THSD7B: variants seen among roughly 807,000 people sequenced by gnomAD.
THSD7B encodes thrombospondin type 1 domain containing 7B.
Under a neutral mutation model 213.6 loss-of-function variants are expected in THSD7B, and 138 were observed. The ratio of observed to expected loss-of-function variants is 0.65; its 90% CI spans 0.56 to 0.74. The LOEUF is 0.74. Ranked by LOEUF, THSD7B falls within the 30% of genes least tolerant of loss-of-function variation. The pLI is 0.00. For synonymous variants in THSD7B, 742 were observed against 687.0 expected (o/e 1.08, Z -1.25); for missense variants, 1,931 against 1,991.5 (o/e 0.97, Z 0.58).
intron 15 of THSD7B, among the ~76,000 whole-genome samples, chr2:137,539,463 T>C (rs193267933): frequency 1.4e-4 from 22 of 151,858 alleles, no homozygotes; most frequent in Admixed American, 9.9e-4. Context: ...TCATACCTTC[T>C]GTTATGTCTA....
intron 12 of THSD7B, among the ~76,000 whole-genome samples, chr2:137,283,487 G>A (rs1211745640): frequency 6.6e-6 from 1 of 152,136 alleles, no homozygotes; most frequent in Non-Finnish European, 1.5e-5. Context: ...AGTTTTCAAA[G>A]GGAATGCTTC....
intron 2 of THSD7B, among the ~76,000 whole-genome samples, chr2:136,883,452 C>CT (rs1683661456): frequency 1.3e-5 from 2 of 151,788 alleles, no homozygotes; most frequent in East Asian, 1.9e-4. Context: ...TACTGATTTG[C>CT]ATTTTTTTTT....
intron 27 of THSD7B, among the ~76,000 whole-genome samples, chr2:137,671,221 A>G (rs72844593): frequency 0.16 from 22,706 of 138,546 alleles, 2,308 homozygotes; most frequent in Middle Eastern, 0.26. Context: ...TGTTGTGTGT[A>G]TATTTATGAT....
intron 2 of THSD7B, among the ~76,000 whole-genome samples, chr2:136,945,812 C>T (rs1190626702): frequency 2.0e-5 from 3 of 152,220 alleles, no homozygotes; most frequent in Non-Finnish European, 4.4e-5. Context: ...CCATGGTTTT[C>T]AGCTCCATCA....
intron 2 of THSD7B, among the ~76,000 whole-genome samples, chr2:136,973,932 C>A (rs909858366): frequency 6.6e-6 from 1 of 152,150 alleles, no homozygotes; most frequent in Non-Finnish European, 1.5e-5. Flanking sequence ...TGTGTAACCT[C>A]CTATCTTGAA....
At chr2:137,141,250 C>T (rs1183060552) in intron 5 of THSD7B, among the ~76,000 whole-genome samples, 1 of 152,092 alleles carries the variant, frequency 6.6e-6, no homozygotes, top group Non-Finnish European at 1.5e-5. Flanking sequence ...TACCACAGCT[C>T]TGTGGTAAAC....
chr2:137,213,194 T>C (rs1363368883), intron 7 of THSD7B, among the ~76,000 whole-genome samples: 1 of 151,582 alleles, frequency 6.6e-6, no homozygotes, highest in Non-Finnish European at 1.5e-5. Context: ...TTTCTGTGGC[T>C]TTTAAAATTT....
At chr2:137,436,941 C>T (rs1345548846) in intron 14 of THSD7B, among the ~76,000 whole-genome samples, 1 of 152,044 alleles carries the variant, frequency 6.6e-6, no homozygotes, top group Non-Finnish European at 1.5e-5. Flanking sequence ...ACCTGTGTGG[C>T]TTGTGTATTG....
At chr2:137,012,288 AG>A (rs1317683623) in intron 2 of THSD7B, among the ~76,000 whole-genome samples, 1 of 152,188 alleles carries the variant, frequency 6.6e-6, no homozygotes, top group African/African-American at 2.4e-5. Context: ...GAGTTTGGGG[AG>A]TCTGACCACT....
At chr2:137,063,571 T>C (rs1687319429) in intron 3 of THSD7B, among the ~76,000 whole-genome samples, 1 of 152,010 alleles carries the variant, frequency 6.6e-6, no homozygotes, top group African/African-American at 2.4e-5. Context: ...CACAATTAAA[T>C]TATTTTTTAC....
At chr2:136,967,970 T>C (rs1446638231) in intron 2 of THSD7B, among the ~76,000 whole-genome samples, 1 of 152,208 alleles carries the variant, frequency 6.6e-6, no homozygotes, top group Non-Finnish European at 1.5e-5. Flanking sequence ...TATTGCTGTA[T>C]AGCCCTCTAT....
intron 2 of THSD7B, among the ~76,000 whole-genome samples, chr2:136,893,994 T>C (rs145345831): frequency 1.0e-3 from 159 of 152,312 alleles, no homozygotes; most frequent in African/African-American, 3.2e-3. Flanking sequence ...CTATTACAGA[T>C]CATGTAGAGA....
intron 7 of THSD7B, among the ~76,000 whole-genome samples, chr2:137,202,908 CAG>C (rs1374591076): frequency 6.6e-6 from 1 of 151,940 alleles, no homozygotes; most frequent in African/African-American, 2.4e-5. Flanking sequence ...GGATAGATAA[CAG>C]ATGTGTAGAG....
At chr2:137,345,314 T>C (rs1218409102) in intron 12 of THSD7B, among the ~76,000 whole-genome samples, 1 of 151,722 alleles carries the variant, frequency 6.6e-6, no homozygotes, top group Non-Finnish European at 1.5e-5. Flanking sequence ...TTAACTTTCT[T>C]ATTAAGCACT....
chr2:137,247,276 A>T (rs1682061055), intron 10 of THSD7B, among the ~76,000 whole-genome samples: 1 of 152,218 alleles, frequency 6.6e-6, no homozygotes, highest in South Asian at 2.1e-4. Flanking sequence ...ACATATGCAT[A>T]AATGAATGCA....
At chr2:137,586,591 C>A (rs141403719) in intron 17 of THSD7B, among the ~76,000 whole-genome samples, 2,308 of 152,182 alleles carry the variant, frequency 0.015, 69 homozygotes, top group African/African-American at 0.051. Flanking sequence ...TCCTTCACTT[C>A]TGAAGCTTAG....
chr2:137,488,825 T>G (rs748103566), intron 15 of THSD7B, among the ~76,000 whole-genome samples: 1 of 152,200 alleles, frequency 6.6e-6, no homozygotes, highest in Non-Finnish European at 1.5e-5. Flanking sequence ...CATTGGGTAG[T>G]CCTGCCTATC....
intron 5 of THSD7B, among the ~76,000 whole-genome samples, chr2:137,120,365 G>A (rs757826010): frequency 6.6e-6 from 1 of 151,856 alleles, no homozygotes; most frequent in East Asian, 1.9e-4. Flanking sequence ...ATGAGAAGAT[G>A]GGTGAAGACA....
intron 15 of THSD7B, among the ~76,000 whole-genome samples, chr2:137,511,239 C>T (rs1241688117): frequency 1.3e-5 from 2 of 151,794 alleles, no homozygotes; most frequent in African/African-American, 2.4e-5. Context: ...TTCTTAAATT[C>T]GAGAATATTT....
Sources: allele counts gnomAD v4.1 joint callset (sites outside exome capture counted in the v4.1 genomes callset), GRCh38; gene constraint gnomAD v4.1.1; transcripts MANE v1.5; gene names NCBI Gene and HGNC (gene_info 2026-07-23, HGNC 2026-07-21).